IRF2: variants seen among roughly 807,000 people sequenced by gnomAD.
IRF2 encodes the protein interferon regulatory factor 2.
Under a neutral mutation model 40.6 loss-of-function variants are expected in IRF2, and 15 were observed. The ratio of observed to expected loss-of-function variants is 0.37; its 90% confidence interval spans 0.25 to 0.57. The LOEUF is 0.57. IRF2 is among the 20% of genes least tolerant of loss of function. The pLI is 0.77. For synonymous variants in IRF2, 151 were observed against 165.5 expected (o/e 0.91, Z 0.67); for missense variants, 317 against 455.7 (o/e 0.70, Z 2.77).
At chr4:184,392,176 GCAATATTTAGGC>G (rs1736283374) in intron 7 of IRF2, among the ~76,000 whole-genome samples, 1 of 152,216 alleles carries the variant, frequency 6.6e-6, no homozygotes, top group South Asian at 2.1e-4. Flanking sequence ...CAGAGCCTGT[GCAATATTTAGGC>G]ATTTAGAGAT....
intron 1 of IRF2, among the ~76,000 whole-genome samples, chr4:184,456,159 GCAT>G (rs1309434814): frequency 6.6e-6 from 1 of 152,310 alleles, no homozygotes; most frequent in East Asian, 1.9e-4. Context: ...TTCCCTCTCT[GCAT>G]CAGACTCACC....
chr4:184,406,332 C>T (rs1187644964), intron 6 of IRF2, among the ~76,000 whole-genome samples: 5 of 151,230 alleles, frequency 3.3e-5, no homozygotes, highest in East Asian at 1.9e-4. Flanking sequence ...TGGGTTCAAT[C>T]GATTCTCCTG....
At chr4:184,419,631 A>T in intron 2 of IRF2, 63 bp from the exon 3 acceptor site, 2 of 1,172,670 alleles carry the variant, frequency 1.7e-6, no homozygotes, top group Non-Finnish European at 2.5e-6. Flanking sequence ...CCACCATTGC[A>T]AAAGGTTGTG....
intron 1 of IRF2, among the ~76,000 whole-genome samples, chr4:184,459,845 A>G (rs142485297): frequency 2.9e-4 from 44 of 152,360 alleles, no homozygotes; most frequent in Non-Finnish European, 6.0e-4. Flanking sequence ...TCAAAACAAA[A>G]AGATAATAAT....
intron 2 of IRF2, 25 bp downstream of exon 2, chr4:184,428,953 C>A: frequency 6.3e-7 from 1 of 1,593,822 alleles, no homozygotes; most frequent in Non-Finnish European, 8.6e-7. Flanking sequence ...CTCTCTCACA[C>A]ATACACCCAC....
intron 1 of IRF2, among the ~76,000 whole-genome samples, chr4:184,433,505 G>A (rs970772353): frequency 2.6e-5 from 4 of 152,062 alleles, no homozygotes; most frequent in Non-Finnish European, 4.4e-5. Context: ...CAGCCAAACC[G>A]CAAACTTATT....
Position 184,413,365 on chromosome 4 carries a change from G to A in IRF2, c.411+4802C>T, listed in dbSNP as rs1017144759. On this transcript the variant is annotated intron_variant, in intron 5 of 8. Transcript: ENST00000393593. This position sits in a 1 kb window ranked among gnomAD's most constrained non-coding sequence, Gnocchi z 4.2. ...CTACCACATGGGAAGGGAGGATCCC[G>A]GGCAGGCAGAATAAGCCTGATAACC... Among the ~76,000 whole-genome samples, 2 of 152,196 alleles carry A rather than the reference G, an allele frequency of 1.3e-5. No individual in the cohort carries two copies. The highest frequency in any genetic ancestry group is 2.4e-5 in the African/African-American group (1 of 41,450).
At chr4:184,457,400 T>C (rs547295661) in intron 1 of IRF2, among the ~76,000 whole-genome samples, 1 of 152,192 alleles carries the variant, frequency 6.6e-6, no homozygotes, top group Admixed American at 6.5e-5. Flanking sequence ...TCTGGGCGGA[T>C]AGGAAGCCCT....
intron 5 of IRF2, among the ~76,000 whole-genome samples, chr4:184,415,473 G>A (rs1340057765): frequency 1.3e-5 from 2 of 152,198 alleles, no homozygotes; most frequent in African/African-American, 4.8e-5. Flanking sequence ...CCATGTGGCT[G>A]TAGAGATCCC....
intron 1 of IRF2, among the ~76,000 whole-genome samples, chr4:184,429,584 T>C (rs3756092): frequency 0.11 from 17,027 of 152,202 alleles, 1,099 homozygotes; most frequent in East Asian, 0.28. Flanking sequence ...ATCAGTTAAT[T>C]TGGCTTTCCC....
intron 1 of IRF2, among the ~76,000 whole-genome samples, chr4:184,468,518 A>G (rs1739409747): frequency 1.3e-5 from 2 of 152,124 alleles, no homozygotes; most frequent in Admixed American, 6.5e-5. Flanking sequence ...AATTCAATGT[A>G]TCACAAACTT....
At chr4:184,455,874 C>T (rs1247578009) in intron 1 of IRF2, among the ~76,000 whole-genome samples, 3 of 152,148 alleles carry the variant, frequency 2.0e-5, no homozygotes, top group Admixed American at 6.6e-5. Context: ...CCGAGCCAAC[C>T]GCATGAAAAT....
chr4:184,404,135 G>A (rs983100458), intron 6 of IRF2, among the ~76,000 whole-genome samples: 1 of 152,124 alleles, frequency 6.6e-6, no homozygotes, highest in Non-Finnish European at 1.5e-5. Flanking sequence ...GAGGTGGTTT[G>A]GTCCTACCAT....
At position 184,460,665 on chromosome 4, in the gene IRF2, G is replaced by GCA. The variant is rs200593443; in HGVS notation, c.-7+13712_-7+13713dup. On this transcript the variant is annotated intron_variant, in intron 1 of 8. Coordinates refer to ENST00000393593, the MANE Select transcript of IRF2 (RefSeq NM_002199.4). The stretch of plus-strand genomic sequence containing the variant: ...CGCACACACACACACACATGCACGC[G>GCA]CACACACACACACATGCACGCACAC... Among the ~76,000 whole-genome samples the GCA allele has an allele frequency of 5.9e-4, 65 of 110,452 alleles. No individual in the cohort carries two copies. In the South Asian group the frequency reaches 0.015, roughly 25 times the overall value. The allele number at this position is 110,452 out of a possible 152,430, so 72.5% of individuals were successfully genotyped here.
intron 5 of IRF2, among the ~76,000 whole-genome samples, chr4:184,412,170 C>A (rs974729626): frequency 1.3e-5 from 2 of 152,142 alleles, no homozygotes; most frequent in Non-Finnish European, 2.9e-5. Flanking sequence ...CGCTCAAGAA[C>A]CTTTGCTATA....
intron 1 of IRF2, among the ~76,000 whole-genome samples, chr4:184,453,072 G>A (rs1738785827): frequency 6.6e-6 from 1 of 152,152 alleles, no homozygotes. Flanking sequence ...CTTGAAATCT[G>A]ATGCAGATAC....
intron 5 of IRF2, among the ~76,000 whole-genome samples, chr4:184,412,903 C>G (rs1737127550): frequency 6.6e-6 from 1 of 152,256 alleles, no homozygotes; most frequent in African/African-American, 2.4e-5. Context: ...GACCACACAT[C>G]TGCCCGTTGG....
chr4:184,467,707 T>C (rs942811332), intron 1 of IRF2, among the ~76,000 whole-genome samples: 4 of 152,172 alleles, frequency 2.6e-5, no homozygotes, highest in Non-Finnish European at 5.9e-5. Flanking sequence ...TAAGAACAAT[T>C]AAAATGTACA....
chr4:184,398,459 C>T (rs1396627644), intron 7 of IRF2, among the ~76,000 whole-genome samples: 1 of 152,016 alleles, frequency 6.6e-6, no homozygotes, highest in African/African-American at 2.4e-5. Flanking sequence ...GAGCTCGAGA[C>T]CAGCCTGGCC....
Sources: gnomAD v4.1 joint callset for allele counts (sites outside exome capture counted in the v4.1 genomes callset) on GRCh38, gnomAD v4.1.1 for gene constraint, Gnocchi (gnomAD v3.1) non-coding constraint, MANE v1.5 for transcripts, NCBI Gene and HGNC (gene_info 2026-07-23, HGNC 2026-07-21) for gene names.